FHIT: variants seen among roughly 807,000 people sequenced by gnomAD.
FHIT encodes bis(5'-adenosyl)-triphosphatase.
A neutral mutation model predicts 17.9 loss-of-function variants in FHIT; 19 were observed. The ratio of observed to expected loss-of-function variants is 1.06; its 90% confidence interval spans 0.74 to 1.56. The LOEUF (loss-of-function observed/expected upper bound fraction) is 1.56. Ranked by LOEUF, FHIT falls within the 40% of genes most tolerant of loss-of-function variation. FHIT has a pLI of 0.00. For missense variants in FHIT, 248 were observed against 189.2 expected, an observed-to-expected ratio of 1.31 and a Z score of -1.82; for synonymous variants, 81 against 69.7, an observed-to-expected ratio of 1.16 and a Z score of -0.81.
chr3:60,955,251 T>C (rs1431762460), intron 3 of FHIT, among the ~76,000 whole-genome samples: 4 of 152,112 alleles, frequency 2.6e-5, no homozygotes, highest in African/African-American at 9.7e-5. Flanking sequence ...TACGGCCACA[T>C]GCAACCACAG....
intron 5 of FHIT, among the ~76,000 whole-genome samples, chr3:60,227,372 C>A (rs1480607707): frequency 1.3e-5 from 2 of 152,154 alleles, no homozygotes; most frequent in Non-Finnish European, 2.9e-5. Context: ...ACCATCCCAC[C>A]TCTGAAAATA....
chr3:60,662,724 TAAG>T (rs2040287933), intron 4 of FHIT, among the ~76,000 whole-genome samples: 1 of 152,190 alleles, frequency 6.6e-6, no homozygotes, highest in South Asian at 2.1e-4. Flanking sequence ...ATGATTTCCT[TAAG>T]TAGTGTTTTG....
At chr3:60,290,009 C>T (rs140531607) in intron 5 of FHIT, among the ~76,000 whole-genome samples, 110 of 152,256 alleles carry the variant, frequency 7.2e-4, no homozygotes, top group African/African-American at 2.2e-3. Context: ...AAGTAATTCA[C>T]GATATAATGA....
At chr3:60,466,671 A>G (rs2032811006) in intron 5 of FHIT, among the ~76,000 whole-genome samples, 2 of 152,020 alleles carry the variant, frequency 1.3e-5, no homozygotes, top group African/African-American at 2.4e-5. Flanking sequence ...TGTATCATTG[A>G]TTGATTTGCA....
Position 60,135,777 on chromosome 3 carries a change from A to G in FHIT, c.104-121625T>C, listed in dbSNP as rs141523270. Among the ~76,000 whole-genome samples, 34 of 152,206 alleles carry G rather than the reference A, an allele frequency of 2.2e-4. No individual in the cohort carries two copies. The East Asian group carries it at 6.6e-3, about 29-fold the overall frequency. ...CAACTTCTTTGAAATCAAAATGCTG[A>G]TCTTCTCACATGCTGATTACAGACA... is the stretch of plus-strand genomic sequence containing the variant. On this transcript the variant is annotated intron_variant, in intron 5 of 9. Coordinates refer to ENST00000492590, the MANE Select transcript of FHIT (RefSeq NM_002012.4).
chr3:60,689,194 C>T (rs1417165059), intron 4 of FHIT, among the ~76,000 whole-genome samples: 2 of 152,072 alleles, frequency 1.3e-5, no homozygotes, highest in Non-Finnish European at 2.9e-5. Flanking sequence ...CCTTGCCTTT[C>T]ACCTTCTGCC....
chr3:60,035,249 C>A (rs146209256), intron 5 of FHIT, among the ~76,000 whole-genome samples: 2,083 of 152,186 alleles, frequency 0.014, 30 homozygotes, highest in Middle Eastern at 0.068. Context: ...AGAATGGCCA[C>A]CATGCAGCAA....
At chr3:60,946,015 G>C (rs1708625344) in intron 3 of FHIT, among the ~76,000 whole-genome samples, 1 of 152,174 alleles carries the variant, frequency 6.6e-6, no homozygotes, top group South Asian at 2.1e-4. Context: ...GAGGGTCATA[G>C]TTTTGCCAGA....
At position 60,739,599 on chromosome 3, in the gene FHIT, T is replaced by G. The variant is rs546347635; in HGVS notation, c.-18+82320A>C. ...TTTACTGGGGAGGCTGTCCTGTGCA[T>G]TGCAGGATGTTCATCCCTGGCCTCT... is the stretch of plus-strand genomic sequence containing the variant. On this transcript the variant is annotated intron_variant, in intron 4 of 9. Transcript: ENST00000492590. Among the ~76,000 whole-genome samples, 5 of 152,296 alleles carry G rather than the reference T, an allele frequency of 3.3e-5. 1 individual carries two copies. Among genetic ancestry groups the G allele is most frequent in the African/African-American group, 1.2e-4 (5 of 41,568 alleles).
At position 60,336,011 on chromosome 3, in the gene FHIT, G is replaced by C. The variant is rs9882855; in HGVS notation, c.103+200849C>G. Among the ~76,000 whole-genome samples the C allele has an allele frequency of 2.9e-3, 439 of 152,236 alleles. 3 individuals carry two copies. Among genetic ancestry groups the C allele is most frequent in the African/African-American group, 0.01 (422 of 41,528 alleles). Reference sequence around the variant, plus strand: ...GAAAAAGTGTGCTTTCTATCATAATGATTATTTTTCAGATAACAACAGCTG... The same window carrying C: ...GAAAAAGTGTGCTTTCTATCATAATCATTATTTTTCAGATAACAACAGCTG... On this transcript the variant is annotated intron_variant, in intron 5 of 9. Transcript: ENST00000492590.
intron 5 of FHIT, among the ~76,000 whole-genome samples, chr3:60,241,547 CT>C (rs1035425996): frequency 2.6e-5 from 4 of 151,732 alleles, no homozygotes; most frequent in Admixed American, 6.6e-5. Flanking sequence ...AGTTTTTTTG[CT>C]TTTTTTGTAA....
At chr3:60,392,964 G>T (rs1345199862) in intron 5 of FHIT, among the ~76,000 whole-genome samples, 1 of 152,126 alleles carries the variant, frequency 6.6e-6, no homozygotes, top group Admixed American at 6.6e-5. Flanking sequence ...AACAGCTAGG[G>T]AAGCTTCATC....
At chr3:60,214,575 T>C (rs770820881) in intron 5 of FHIT, among the ~76,000 whole-genome samples, 3 of 152,146 alleles carry the variant, frequency 2.0e-5, no homozygotes, top group Admixed American at 1.3e-4. Flanking sequence ...GGAATGTAAA[T>C]TAGTTCACTC....
intron 5 of FHIT, among the ~76,000 whole-genome samples, chr3:60,410,999 T>G (rs538641541): frequency 1.4e-4 from 21 of 152,282 alleles, no homozygotes; most frequent in African/African-American, 4.6e-4. Context: ...ATTGGAGTAG[T>G]GTGCCAAATG....
intron 5 of FHIT, among the ~76,000 whole-genome samples, chr3:60,150,250 G>A (rs1700408886): frequency 6.6e-6 from 1 of 152,010 alleles, no homozygotes; most frequent in African/African-American, 2.4e-5. Context: ...ACCCACCTTG[G>A]CCTCCCAAAG....
At chr3:60,925,049 T>C (rs1023950200) in intron 3 of FHIT, among the ~76,000 whole-genome samples, 25 of 152,268 alleles carry the variant, frequency 1.6e-4, no homozygotes, top group African/African-American at 5.5e-4. Context: ...ACAAGAAATA[T>C]GGGACTATGT....
intron 3 of FHIT, among the ~76,000 whole-genome samples, chr3:60,849,878 G>T (rs1703080798): frequency 6.6e-6 from 1 of 151,940 alleles, no homozygotes; most frequent in African/African-American, 2.4e-5. Context: ...AAGTGGCATG[G>T]TCACTATACA....
chr3:60,129,042 C>CTTTTTTTT lies in FHIT; in HGVS notation c.104-114891_104-114890insAAAAAAAA, dbSNP rs1360333142. ...ACTTAATTTTCCCTTTTCTTCTTTC[C>CTTTTTTTT]TTTTTTGTTTGTTTTTTTTTTTTTT... On this transcript the variant is annotated intron_variant, in intron 5 of 9. Transcript: ENST00000492590. Among the ~76,000 whole-genome samples the CTTTTTTTT allele has an allele frequency of 6.4e-4, 72 of 113,004 alleles. 5 individuals are homozygous for CTTTTTTTT. Among genetic ancestry groups the CTTTTTTTT allele is most frequent in the African/African-American group, 2.0e-3 (58 of 29,318 alleles). 74.1% of individuals were successfully genotyped at this position (113,004 alleles called of 152,430 possible).
At chr3:61,116,779 G>T (rs1324545872) in intron 2 of FHIT, among the ~76,000 whole-genome samples, 1 of 152,088 alleles carries the variant, frequency 6.6e-6, no homozygotes, top group Non-Finnish European at 1.5e-5. Context: ...CATATTAGCA[G>T]CAAACTCATC....
Sources: allele counts gnomAD v4.1 joint callset (sites outside exome capture counted in the v4.1 genomes callset), GRCh38; gene constraint gnomAD v4.1.1; transcripts MANE v1.5; gene names NCBI Gene and HGNC (gene_info 2026-07-23, HGNC 2026-07-21).